The following PPFIA2 variants were observed in gnomAD, a reference collection of about 807,000 sequenced individuals.
The protein encoded by PPFIA2 is liprin-alpha-2.
PPFIA2 carries 46 observed loss-of-function variants against 175.5 expected under a neutral mutation model. The observed-to-expected ratio is 0.26, with a 90% CI of 0.21 to 0.34. The LOEUF (loss-of-function observed/expected upper bound fraction) is 0.34. PPFIA2 is among the 10% of genes least tolerant of loss of function. The pLI, the probability that PPFIA2 is intolerant of heterozygous loss-of-function variation, is 1.00. For missense variants in PPFIA2, 1,179 were observed against 1,506.1 expected (o/e 0.78, Z 3.60); for synonymous variants, 568 against 511.4 (o/e 1.11, Z -1.49).
At chr12:81,636,081 C>T (rs1042707166) in intron 4 of PPFIA2, among the ~76,000 whole-genome samples, 1 of 152,086 alleles carries the variant, frequency 6.6e-6, no homozygotes, top group African/African-American at 2.4e-5. Context: ...CCAAAAGTAA[C>T]ACTCACTGTT....
At chr12:81,686,982 A>G (rs530159482) in intron 3 of PPFIA2, among the ~76,000 whole-genome samples, 27 of 151,970 alleles carry the variant, frequency 1.8e-4, no homozygotes, top group Non-Finnish European at 3.4e-4. Context: ...GAGGACCACC[A>G]CCAGCAGCAG....
At chr12:81,292,190 T>A (rs1006185354) in intron 24 of PPFIA2, 1 of 152,152 alleles carries the variant, frequency 6.6e-6, no homozygotes. Context: ...TAATTTTGTT[T>A]GCATTTGCTC....
intron 3 of PPFIA2, among the ~76,000 whole-genome samples, chr12:81,681,746 C>T (rs1270031392): frequency 6.6e-6 from 1 of 151,570 alleles, no homozygotes; most frequent in Non-Finnish European, 1.5e-5. Flanking sequence ...GATTTCAGGT[C>T]TTTCTCAGAG....
rs575587731 is a variant in PPFIA2 at position 81,616,041 on chromosome 12, T to C, written c.303+60750A>G. ...AGCATGTGGGTTTACATGCTGGTAA[T>C]TGTGGTGATGGGAGTCTGTGCACAT... On this transcript the variant is annotated intron_variant, in intron 4 of 32. Transcript: ENST00000549396. Among the ~76,000 whole-genome samples, 7 of 152,232 alleles carry C rather than the reference T, an allele frequency of 4.6e-5. No homozygotes were observed. In the South Asian group the frequency reaches 1.2e-3, roughly 27 times the overall value.
At chr12:81,301,759 G>A (rs995676602) in intron 22 of PPFIA2, among the ~76,000 whole-genome samples, 3 of 152,104 alleles carry the variant, frequency 2.0e-5, no homozygotes, top group Admixed American at 6.6e-5. Flanking sequence ...CACCTGGAAT[G>A]CTCTTCCCCT....
At chr12:81,648,699 A>G (rs1344931942) in intron 4 of PPFIA2, among the ~76,000 whole-genome samples, 1 of 152,024 alleles carries the variant, frequency 6.6e-6, no homozygotes, top group Non-Finnish European at 1.5e-5. Context: ...TAAGTAAAAC[A>G]ATAAGGAAAA....
chr12:81,263,620 G>C lies in PPFIA2; in HGVS notation c.3556-230C>G, dbSNP rs184246836. 2.2e-3 allele frequency among the ~76,000 whole-genome samples: 339 copies of C among 152,178 alleles called. 3 individuals carry two copies. Among genetic ancestry groups the C allele is most frequent in the African/African-American group, 7.6e-3 (317 of 41,516 alleles). On this transcript the variant is annotated intron_variant, in intron 30 of 32. Coordinates refer to ENST00000549396, the MANE Select transcript of PPFIA2 (RefSeq NM_003625.5). ...ACTTTTCATACAATTTCAAATTTAA[G>C]GTCTGACATCTATACAGTAAATATC...
At chr12:81,660,850 C>T (rs543744135) in intron 4 of PPFIA2, among the ~76,000 whole-genome samples, 14 of 152,220 alleles carry the variant, frequency 9.2e-5, no homozygotes, top group Non-Finnish European at 5.9e-5. Context: ...GTGGATCTCT[C>T]GGCAGAAACT....
chr12:81,505,693 C>T (rs2061083065), intron 4 of PPFIA2: 2 of 152,220 alleles, frequency 1.3e-5, no homozygotes, highest in Non-Finnish European at 2.9e-5. Context: ...ACAATGAGTT[C>T]CCTCTTGTAC....
At chr12:81,745,225 C>T (rs76604702) in intron 3 of PPFIA2, among the ~76,000 whole-genome samples, 3,907 of 152,242 alleles carry the variant, frequency 0.026, 79 homozygotes, top group Admixed American at 0.066. Context: ...AAAAGAGACA[C>T]AGCCCTAAGG....
chr12:81,298,149 G>T (rs193206932), intron 23 of PPFIA2: 1 of 152,108 alleles, frequency 6.6e-6, no homozygotes, highest in Non-Finnish European at 1.5e-5. Context: ...ACAAAGAACT[G>T]CTATCATTTC....
chr12:81,301,615 A>C (rs1194753650), intron 22 of PPFIA2, among the ~76,000 whole-genome samples: 1 of 152,142 alleles, frequency 6.6e-6, no homozygotes, highest in Non-Finnish European at 1.5e-5. Context: ...AATAAAAGCC[A>C]AAACAGCTGC....
chr12:81,506,219 T>C (rs1474447147), intron 4 of PPFIA2: 1 of 152,194 alleles, frequency 6.6e-6, no homozygotes, highest in Non-Finnish European at 1.5e-5. Flanking sequence ...AGTTATAACT[T>C]TTATTATTTG....
intron 4 of PPFIA2, among the ~76,000 whole-genome samples, chr12:81,536,620 T>C (rs1012012800): frequency 2.7e-5 from 4 of 149,996 alleles, no homozygotes; most frequent in African/African-American, 4.9e-5. Flanking sequence ...AAATTGACTA[T>C]TGAAGATTAA....
intron 4 of PPFIA2, among the ~76,000 whole-genome samples, chr12:81,655,537 A>T (rs1452240701): frequency 6.6e-6 from 1 of 151,908 alleles, no homozygotes; most frequent in African/African-American, 2.4e-5. Flanking sequence ...TACTTGAATT[A>T]TTTTTTGGCC....
chr12:81,514,182 A>C (rs2062130878), intron 4 of PPFIA2, among the ~76,000 whole-genome samples: 1 of 151,950 alleles, frequency 6.6e-6, no homozygotes. Flanking sequence ...CCCCCCCTGA[A>C]CAAATACAGT....
chr12:81,714,158 G>A (rs1596699664), intron 3 of PPFIA2, among the ~76,000 whole-genome samples: 2 of 151,098 alleles, frequency 1.3e-5, no homozygotes, highest in African/African-American at 4.8e-5. Context: ...AGACCAAATG[G>A]TAAATATGTA....
At chr12:81,322,281 G>A (rs1014725279) in intron 22 of PPFIA2, among the ~76,000 whole-genome samples, 1 of 152,134 alleles carries the variant, frequency 6.6e-6, no homozygotes, top group Admixed American at 6.6e-5. Flanking sequence ...AGGTCTGGTT[G>A]TTCTAAACGT....
In PPFIA2 at chr12:81,294,940, C is replaced by T. The variant is rs765014654; in HGVS notation, c.2820G>A (p.Gln940=). Residue 940 remains glutamine (Q), a synonymous_variant, in exon 24 of 33, where the codon CAG becomes CAA. Transcript: ENST00000549396. ...IMSALSDTEI[Q]REIGISNPLH... ...GTGGATTGCTGATTCCAATTTCTCT[C>T]TGGATCTCAGTGTCAGATAAAGCAG... 2 of 1,613,698 alleles carry T rather than the reference C, an allele frequency of 1.2e-6. No individual in the cohort carries two copies. The highest frequency in any genetic ancestry group is 1.7e-6 in the Non-Finnish European group (2 of 1,179,760).
Sources: allele counts gnomAD v4.1 joint callset (sites outside exome capture counted in the v4.1 genomes callset), GRCh38; gene constraint gnomAD v4.1.1; transcripts MANE v1.5; gene names NCBI Gene and HGNC (gene_info 2026-07-23, HGNC 2026-07-21).